Variants in SLC38A5 observed in about 807,000 individuals in gnomAD.
The protein encoded by SLC38A5 is sodium-coupled neutral amino acid transporter 5.
A neutral mutation model predicts 34.6 loss-of-function variants in SLC38A5; 9 were observed. The ratio of observed to expected loss-of-function variants is 0.26; its 90% CI spans 0.16 to 0.45. The LOEUF (loss-of-function observed/expected upper bound fraction) is 0.45, where lower values mean the gene tolerates loss of function less well. Ranked by LOEUF, SLC38A5 falls within the 20% of genes least tolerant of loss-of-function variation. The pLI is 1.00. For synonymous variants in SLC38A5, 157 were observed against 155.6 expected (o/e 1.01, Z -0.07); for missense variants, 253 against 394.7 (o/e 0.64, Z 3.04).
chrX:48,467,612 G>T (rs2061487855), intron 4 of SLC38A5, 98 bp downstream of exon 4: 2 of 875,351 alleles, frequency 2.3e-6, no homozygotes, highest in African/African-American at 2.0e-5. Context: ...CTGGGCAGGG[G>T]AACAGCAGGG....
chrX:48,464,062 C>T (rs1556962679), intron 8 of SLC38A5, among the ~76,000 whole-genome samples: 1 of 111,942 alleles, frequency 8.9e-6, no homozygotes, highest in African/African-American at 3.2e-5. Flanking sequence ...GTCAGAAACA[C>T]ACATGCATGC....
At chrX:48,467,567 C>T (rs2061487452) in intron 4 of SLC38A5, 143 bp downstream of exon 4, 3 of 553,664 alleles carry the variant, frequency 5.4e-6, no homozygotes, top group Middle Eastern at 5.2e-4. Context: ...GAGAGGGGAG[C>T]GACCAAGTAG....
Position 48,461,795 on chromosome X carries a change from C to T in SLC38A5, c.774G>A (p.Met258Ile). 1.7e-6 allele frequency: 2 copies of T among 1,208,591 alleles called. No individual in the cohort carries two copies. Among genetic ancestry groups the T allele is most frequent in the Non-Finnish European group, 2.2e-6 (2 of 893,753 alleles). ...EAQMFTVDSQ[M>I]SYTVPIMAFA... ...AAGCCATAATGGGCACTGTGTAGGA[C>T]ATCTAGGGGAATGCCCGAGTACATG... The change falls in exon 12 of 17, where the codon ATG becomes ATA. Residue 258 changes from methionine to isoleucine, a missense_variant and splice_region_variant. Around this residue, in one of 3 missense-constraint regions of SLC38A5, gnomAD observed 176 missense variants for 273.0 expected, o/e 0.64. Transcript: ENST00000620913.
intron 7 of SLC38A5, 47 bp from the exon 8 acceptor site, chrX:48,466,140 C>T: frequency 8.6e-7 from 1 of 1,157,777 alleles, no homozygotes; most frequent in Non-Finnish European, 1.2e-6. Flanking sequence ...TCTTCATGCC[C>T]CCACCCCGTC....
chrX:48,462,509 T>C (rs1305663540), intron 9 of SLC38A5, among the ~76,000 whole-genome samples: 1 of 111,152 alleles, frequency 9.0e-6, no homozygotes, highest in Non-Finnish European at 1.9e-5. Flanking sequence ...CTCGGGAGGC[T>C]GAGGCAGGAG....
Position 48,459,454 on chromosome X carries a change from C to G in SLC38A5, c.1317+82G>C, listed in dbSNP as rs2061420202. 7 of 891,799 alleles carry G rather than the reference C, an allele frequency of 7.8e-6. No homozygotes were observed. In the East Asian group the frequency reaches 2.5e-4, roughly 32 times the overall value. The allele number at this position is 891,799 out of a possible 1,213,427, so 73.5% of individuals were successfully genotyped here. ...TCCCAGCCCCCTCCTATGCATGTCC[C>G]TTTCACCTCCAGCCATCCTGGAGTG... On this transcript the variant is annotated intron_variant, in intron 16 of 16. Transcript: ENST00000620913.
chrX:48,468,971 C>T, intron 2 of SLC38A5: 1 of 753,665 alleles, frequency 1.3e-6, no homozygotes, highest in Non-Finnish European at 1.6e-6. Flanking sequence ...TGAAGAAACC[C>T]CAGCTCCCTC....
In SLC38A5 at chrX:48,458,695, C is replaced by CCTT. The variant is rs2061415380; in HGVS notation, c.*237_*238insAAG. The CCTT allele has an allele frequency of 1.0e-6, 1 of 999,972 alleles. No individual in the cohort carries two copies. Among genetic ancestry groups the CCTT allele is most frequent in the Non-Finnish European group, 1.3e-6 (1 of 792,417 alleles). 82.4% of individuals were successfully genotyped at this position (999,972 alleles called of 1,213,427 possible). The stretch of plus-strand genomic sequence containing the variant: ...TCCTCCTCCTCCTCCTCCTCCTCCT[C>CCTT]TTCTTCCTCCTCCTCCTCCTCCCAT... On this transcript the variant is annotated 3_prime_UTR_variant, in exon 17 of 17. Coordinates refer to ENST00000620913, the MANE Select transcript of SLC38A5 (RefSeq NM_033518.4).
In SLC38A5 at chrX:48,462,955, G is replaced by T. The variant is rs1275030631; in HGVS notation, c.517C>A (p.Leu173Ile). 10 of 1,206,552 alleles carry T rather than the reference G, an allele frequency of 8.3e-6. No homozygotes were observed. Among genetic ancestry groups the T allele is most frequent in the African/African-American group, 1.8e-5 (1 of 57,064 alleles). The change falls in exon 9 of 17, where the codon CTC becomes ATC. Residue 173 changes from leucine to isoleucine, a missense_variant. Physicochemically the swap from Leu to Ile is conservative, Grantham distance 5. Around this residue, in one of 3 missense-constraint regions of SLC38A5, gnomAD observed 176 missense variants for 273.0 expected, o/e 0.64. Coordinates refer to ENST00000620913, the MANE Select transcript of SLC38A5 (RefSeq NM_033518.4). ...ATTAACACACTGACGATGATGATGAGGAGGTTTCCCTTCAAGAACCAGTCC... is the reference window on the plus strand; with the variant it reads ...ATTAACACACTGACGATGATGATGATGAGGTTTCCCTTCAAGAACCAGTCC... ...EGDWFLKGNL[L>I]IIIVSVLIIL...
chrX:48,462,502 G>A (rs920968789), intron 9 of SLC38A5, among the ~76,000 whole-genome samples: 68 of 111,121 alleles, frequency 6.1e-4, no homozygotes, highest in African/African-American at 1.9e-3. Context: ...CCAGCTACTC[G>A]GGAGGCTGAG....
At chrX:48,462,177 T>C (rs2061439157) in intron 10 of SLC38A5, 33 bp from the exon 11 acceptor site, 4 of 1,208,903 alleles carry the variant, frequency 3.3e-6, no homozygotes, top group Non-Finnish European at 4.5e-6. Flanking sequence ...AGCCAGGTCA[T>C]GGAGGAAGCT....
chrX:48,465,292 C>T (rs892793154), intron 8 of SLC38A5, among the ~76,000 whole-genome samples: 92 of 98,327 alleles, frequency 9.4e-4, no homozygotes, highest in African/African-American at 3.0e-3. Flanking sequence ...ACAGAGGACA[C>T]ATAGCCACAT....
intron 12 of SLC38A5, 111 bp downstream of exon 12, chrX:48,461,607 C>G: frequency 2.4e-6 from 2 of 839,538 alleles, no homozygotes; most frequent in Non-Finnish European, 3.4e-6. Context: ...CATGACACAA[C>G]CTAGCTTCCA....
chrX:48,458,931 G>A lies in SLC38A5; in HGVS notation c.*2C>T. ...ACAGGGACCTGGGCCAGCAGGGCCT[G>A]ATCAGTGTCCAGACATGCGGCTCTG... On this transcript the variant is annotated 3_prime_UTR_variant, in exon 17 of 17. Transcript: ENST00000620913. 3 of 1,180,783 alleles carry A rather than the reference G, an allele frequency of 2.5e-6. No individual in the cohort carries two copies. The highest frequency in any genetic ancestry group is 3.4e-6 in the Non-Finnish European group (3 of 879,008).
rs1556961385 is a variant in SLC38A5 at position 48,459,595 on chromosome X, A to G, written c.1258T>C (p.Phe420Leu). 8.7e-7 allele frequency: 1 copy of G among 1,145,843 alleles called. No homozygotes were observed. The highest frequency in any genetic ancestry group is 1.2e-6 in the Non-Finnish European group (1 of 864,455). 94.4% of individuals were successfully genotyped at this position (1,145,843 alleles called of 1,213,427 possible). The change falls in exon 16 of 17, where the codon TTC (phenylalanine) becomes CTC (leucine). Residue 420 changes from phenylalanine to leucine, a missense_variant. Transcript: ENST00000620913. ...PSLIFILPSI[F>L]YLRIVPSEVE... ...TCAGAGGGTACAATGCGGAGGTAGA[A>G]GATGCTGGGGAGGATGAAGATGAGG...
intron 9 of SLC38A5, 36 bp from the exon 10 acceptor site, chrX:48,462,327 C>G: frequency 9.3e-6 from 11 of 1,182,619 alleles, no homozygotes; most frequent in Non-Finnish European, 1.3e-5. Flanking sequence ...CAGAAATCAG[C>G]CAGGCGTGGT....
chrX:48,467,174 CG>C, intron 4 of SLC38A5, 97 bp from the exon 5 acceptor site: 1 of 722,556 alleles, frequency 1.4e-6, no homozygotes, highest in East Asian at 3.5e-5. Flanking sequence ...AAGAAGCAAG[CG>C]GGGTGGAGAG....
chrX:48,460,885 G>T, intron 13 of SLC38A5, 101 bp downstream of exon 13: 2 of 1,013,269 alleles, frequency 2.0e-6, no homozygotes, highest in Non-Finnish European at 2.7e-6. Context: ...CACACCTTCT[G>T]TTTGGAAACT....
intron 8 of SLC38A5, among the ~76,000 whole-genome samples, chrX:48,465,297 C>A (rs1556962935): frequency 1.1e-5 from 1 of 91,674 alleles, no homozygotes; most frequent in African/African-American, 3.5e-5. Flanking sequence ...GGACACATAG[C>A]CACATTCAGG....
Sources: allele counts gnomAD v4.1 joint callset (sites outside exome capture counted in the v4.1 genomes callset), GRCh38; gene constraint gnomAD v4.1.1; regional missense constraint gnomAD v4.1.1; transcripts MANE v1.5; gene names NCBI Gene and HGNC (gene_info 2026-07-23, HGNC 2026-07-21).